TRABD2A: variants seen among roughly 807,000 people sequenced by gnomAD.
The protein encoded by TRABD2A is TraB domain containing 2A.
Under a neutral mutation model 45.6 loss-of-function variants are expected in TRABD2A, and 43 were observed. The observed-to-expected ratio is 0.94, with a 90% CI of 0.74 to 1.22. The LOEUF (loss-of-function observed/expected upper bound fraction) is 1.22. TRABD2A is among the 50% of genes most tolerant of loss of function. The pLI is 0.00. For synonymous variants in TRABD2A, 269 were observed against 265.0 expected (o/e 1.02, Z -0.15); for missense variants, 642 against 652.4 (o/e 0.98, Z 0.17).
chr2:84,845,554 T>C (rs1041444676), intron 2 of TRABD2A, among the ~76,000 whole-genome samples: 8 of 143,102 alleles, frequency 5.6e-5, no homozygotes, highest in African/African-American at 2.0e-4. Flanking sequence ...AACAGCAAAG[T>C]TGGGGGAGAC....
At chr2:84,866,621 G>T (rs1409633889) in intron 2 of TRABD2A, among the ~76,000 whole-genome samples, 1 of 150,826 alleles carries the variant, frequency 6.6e-6, no homozygotes, top group Non-Finnish European at 1.5e-5. Context: ...CTCATGGTAG[G>T]CACTGTATGT....
At chr2:84,842,330 G>A (rs1319759223) in intron 2 of TRABD2A, among the ~76,000 whole-genome samples, 1 of 152,206 alleles carries the variant, frequency 6.6e-6, no homozygotes, top group Non-Finnish European at 1.5e-5. Flanking sequence ...AGGAGGTGGG[G>A]CAGCGAGAGG....
chr2:84,875,956 G>A (rs1232100788), intron 1 of TRABD2A, among the ~76,000 whole-genome samples: 1 of 150,876 alleles, frequency 6.6e-6, no homozygotes, highest in Non-Finnish European at 1.5e-5. Flanking sequence ...TTGCACCACT[G>A]CACTCCTGCC....
chr2:84,872,218 T>A (rs891454973), intron 1 of TRABD2A, among the ~76,000 whole-genome samples: 1 of 152,134 alleles, frequency 6.6e-6, no homozygotes, highest in Non-Finnish European at 1.5e-5. Context: ...AGAAAGACTA[T>A]ATATATTTCG....
rs1026124743 is a variant in TRABD2A at position 84,864,753 on chromosome 2, G to A, written c.669+5472C>T. ...CTTAAGACCCATGGCACTGATGTGA[G>A]AATATGCAGAAACCTGCAAAGTACA... is the stretch of plus-strand genomic sequence containing the variant. On this transcript the variant is annotated intron_variant, in intron 2 of 6. Transcript: ENST00000409520. Among the ~76,000 whole-genome samples the A allele has an allele frequency of 3.9e-5, 6 of 152,188 alleles. No individual in the cohort carries two copies. In the East Asian group the frequency reaches 1.2e-3, roughly 29 times the overall value.
intron 2 of TRABD2A, among the ~76,000 whole-genome samples, chr2:84,864,182 T>C (rs1254416531): frequency 6.6e-6 from 1 of 152,126 alleles, no homozygotes; most frequent in Non-Finnish European, 1.5e-5. Flanking sequence ...AGCTAAGGAA[T>C]CCAGAGATTC....
intron 5 of TRABD2A, among the ~76,000 whole-genome samples, chr2:84,826,492 A>G (rs542170800): frequency 3.9e-5 from 6 of 152,248 alleles, no homozygotes; most frequent in African/African-American, 1.4e-4. Flanking sequence ...GGGGGAGGAA[A>G]CTGACCTGCA....
At chr2:84,827,364 C>T (rs373830411) in intron 5 of TRABD2A, among the ~76,000 whole-genome samples, 16 of 152,212 alleles carry the variant, frequency 1.1e-4, no homozygotes, top group Non-Finnish European at 2.2e-4. Context: ...CTTTCTGAGC[C>T]TCTGCCCCTT....
intron 2 of TRABD2A, among the ~76,000 whole-genome samples, chr2:84,862,850 C>G (rs1425003835): frequency 6.6e-6 from 1 of 150,480 alleles, no homozygotes; most frequent in Non-Finnish European, 1.5e-5. Flanking sequence ...CCTGCGAGCC[C>G]AGGAGCTTCA....
At chr2:84,870,888 CA>C in intron 1 of TRABD2A, 103 bp from the exon 2 acceptor site, 1 of 1,201,814 alleles carries the variant, frequency 8.3e-7, no homozygotes, top group Non-Finnish European at 1.1e-6. Context: ...GAAAAGATAT[CA>C]AAGTAGAATT....
At chr2:84,828,602 G>A (rs1378249525) in intron 5 of TRABD2A, among the ~76,000 whole-genome samples, 1 of 152,122 alleles carries the variant, frequency 6.6e-6, no homozygotes, top group Non-Finnish European at 1.5e-5. Context: ...GGCTTCACCT[G>A]GGACCACTGT....
rs55952015 is a variant in TRABD2A at position 84,863,597 on chromosome 2, C to CTTT, written c.669+6625_669+6627dup. On this transcript the variant is annotated intron_variant, in intron 2 of 6. Transcript: ENST00000409520. The stretch of plus-strand genomic sequence containing the variant: ...CTTAGAAAGGCTCTATTCAAATTTT[C>CTTT]TTTTTTTTTTTTTTTTTTTTTTTTG... Among the ~76,000 whole-genome samples, 731 of 78,126 alleles carry CTTT rather than the reference C, an allele frequency of 9.4e-3. 16 individuals carry two copies. Among genetic ancestry groups the CTTT allele is most frequent in the Middle Eastern group, 0.019 (1 of 52 alleles). The allele number at this position is 78,126 out of a possible 152,430, so 51.3% of individuals were successfully genotyped here.
chr2:84,822,191 A>C (rs1375126384), intron 6 of TRABD2A, 91 bp from the exon 7 acceptor site: 7 of 1,106,386 alleles, frequency 6.3e-6, no homozygotes, highest in Non-Finnish European at 7.6e-6. Flanking sequence ...GCTTCTCTTC[A>C]TCTCCCCTCC....
At chr2:84,851,494 A>T (rs1682095384) in intron 2 of TRABD2A, among the ~76,000 whole-genome samples, 1 of 152,198 alleles carries the variant, frequency 6.6e-6, no homozygotes, top group African/African-American at 2.4e-5. Context: ...CATCCCAACC[A>T]TCCAAGCTCT....
intron 2 of TRABD2A, chr2:84,843,463 A>G (rs1216030844): frequency 1.3e-5 from 2 of 152,264 alleles, no homozygotes; most frequent in Non-Finnish European, 2.9e-5. Flanking sequence ...CCCATGGGCC[A>G]AGGTGGCACA....
chr2:84,865,557 T>G (rs976886643), intron 2 of TRABD2A, among the ~76,000 whole-genome samples: 1 of 152,204 alleles, frequency 6.6e-6, no homozygotes, highest in Admixed American at 6.5e-5. Flanking sequence ...TCATGTTCAC[T>G]TAGGGATATG....
At chr2:84,868,944 A>T (rs748578263) in intron 2 of TRABD2A, among the ~76,000 whole-genome samples, 6 of 152,248 alleles carry the variant, frequency 3.9e-5, no homozygotes, top group Non-Finnish European at 7.3e-5. Context: ...TAATAATGCA[A>T]GAAAATCTTT....
chr2:84,839,642 T>A (rs2105380286), intron 3 of TRABD2A, among the ~76,000 whole-genome samples: 1 of 152,220 alleles, frequency 6.6e-6, no homozygotes, highest in Non-Finnish European at 1.5e-5. Context: ...GCACAGTACA[T>A]CCATAGTTTT....
At position 84,870,367 on chromosome 2, in the gene TRABD2A, G is replaced by T; in HGVS notation, c.527C>A (p.Thr176Asn). Residue 176 changes from threonine to asparagine, a missense_variant, in exon 2 of 7, where the codon ACT becomes AAT. Thr to Asn is a moderately conservative substitution (Grantham distance 65). Transcript: ENST00000409520. The part of the protein sequence containing the change: ...VWVMLMVNSL[T>N]EVDIKSRGVP... ...TCCACGGGACTTAATGTCCACTTCAGTCAGGGAGTTGACCATGAGCATCAC... is the reference window on the plus strand; with the variant it reads ...TCCACGGGACTTAATGTCCACTTCATTCAGGGAGTTGACCATGAGCATCAC... The T allele has an allele frequency of 6.2e-7, 1 of 1,614,046 alleles. No homozygotes were observed. The highest frequency in any genetic ancestry group is 1.1e-5 in the South Asian group (1 of 91,088).
Sources: gnomAD v4.1 joint callset for allele counts (sites outside exome capture counted in the v4.1 genomes callset) on GRCh38, gnomAD v4.1.1 for gene constraint, MANE v1.5 for transcripts, NCBI Gene and HGNC (gene_info 2026-07-23, HGNC 2026-07-21) for gene names.